Variants in GFAP observed in about 807,000 individuals in gnomAD.
The protein encoded by GFAP is intermediate filament protein.
Under a neutral mutation model 49.3 loss-of-function variants are expected in GFAP, and 38 were observed. The ratio of observed to expected loss-of-function variants is 0.77; its 90% confidence interval spans 0.60 to 1.01. GFAP has a LOEUF of 1.01. Ranked by LOEUF, GFAP falls within the 50% of genes least tolerant of loss-of-function variation. The pLI, the probability that GFAP is intolerant of heterozygous loss-of-function variation, is 0.00. For synonymous variants in GFAP, 222 were observed against 236.4 expected, an observed-to-expected ratio of 0.94 and a Z score of 0.56; for missense variants, 463 against 579.1, an observed-to-expected ratio of 0.80 and a Z score of 2.06.
At position 44,906,370 on chromosome 17, in the gene GFAP, C is replaced by T. The variant is rs983381910; in HGVS notation, c.*977G>A. 3.9e-5 allele frequency: 6 copies of T among 152,562 alleles called. No homozygotes were observed. The highest frequency in any genetic ancestry group is 1.4e-4 in the African/African-American group (6 of 41,428). The allele number at this position is 152,562 out of a possible 1,614,324, so 9.5% of individuals were successfully genotyped here. On this transcript the variant is annotated 3_prime_UTR_variant, in exon 9 of 9. Coordinates refer to ENST00000588735, the MANE Select transcript of GFAP (RefSeq NM_002055.5). ...GCGCCATCCCAATTGCCTCCTCCTCCATCTCTACCAGCGTCCCCTCCAGTC... is the reference window on the plus strand; with the variant it reads ...GCGCCATCCCAATTGCCTCCTCCTCTATCTCTACCAGCGTCCCCTCCAGTC...
intron 7 of GFAP, chr17:44,909,453 A>G (rs1256610174): frequency 2.0e-5 from 3 of 152,098 alleles, no homozygotes; most frequent in Admixed American, 2.0e-4. Flanking sequence ...ATTTGGCAGT[A>G]TTACCTCTAC....
rs2051622787 is a variant in GFAP at position 44,904,623 on chromosome 17, G to A, written c.*2724C>T. ...ATTAACTATGTGTCCAAAGTGGGCAGCCGGCCCTGGGTGCCCCAGGTGCCC... is the reference window on the plus strand; with the variant it reads ...ATTAACTATGTGTCCAAAGTGGGCAACCGGCCCTGGGTGCCCCAGGTGCCC... On this transcript the variant is annotated 3_prime_UTR_variant, in exon 9 of 9. Transcript: ENST00000588735. 6.4e-7 allele frequency: 1 copy of A among 1,550,566 alleles called. No homozygotes were observed. Among genetic ancestry groups the A allele is most frequent in the African/African-American group, 1.4e-5 (1 of 73,164 alleles).
At chr17:44,914,403 T>G (rs1311650878) in intron 1 of GFAP, 1 of 388,090 alleles carries the variant, frequency 2.6e-6, no homozygotes. Context: ...CCTCCTGCAC[T>G]TGAAGGCACA....
At position 44,913,356 on chromosome 17, in the gene GFAP, G is replaced by C; in HGVS notation, c.693C>G (p.Leu231=). 1 of 1,614,174 alleles carries C rather than the reference G, an allele frequency of 6.2e-7. No individual in the cohort carries two copies. Among genetic ancestry groups the C allele is most frequent in the Non-Finnish European group, 8.5e-7 (1 of 1,180,002 alleles). The change falls in exon 4 of 9, where the codon CTC becomes CTG. Residue 231 remains leucine, a synonymous_variant. Transcript: ENST00000588735. ...HVELDVAKPD[L]TAALKEIRTQ... ...TGCGGATCTCTTTCAGGGCTGCGGT[G>C]AGGTCTGGCTTGGCCACGTCAAGCT... is the stretch of plus-strand genomic sequence containing the variant.
chr17:44,915,111 G>T lies in GFAP; in HGVS notation c.376C>A (p.Arg126=), dbSNP rs201959936. 6.2e-7 allele frequency: 1 copy of T among 1,613,792 alleles called. No homozygotes were observed. The highest frequency in any genetic ancestry group is 8.5e-7 in the Non-Finnish European group (1 of 1,180,016). ...YQAELRELRL[R]LDQLTANSAR... ...CTGTTGGCGGTGAGTTGATCGAGCC[G>T]CAGCCGCAGCTCTCGCAGCTCAGCC... Residue 126 remains arginine, a synonymous_variant, in exon 1 of 9, where the codon CGG becomes AGG. Transcript: ENST00000588735. This position sits in a 1 kb window ranked among gnomAD's most constrained non-coding sequence, Gnocchi z 4.1.
intron 3 of GFAP, 126 bp from the exon 4 acceptor site, chr17:44,913,556 C>T (rs754576119): frequency 3.2e-5 from 36 of 1,134,440 alleles, no homozygotes; most frequent in Admixed American, 1.4e-4. Flanking sequence ...TGTCTCTTTC[C>T]GTCTCCCTTA....
chr17:44,913,924 G>A lies in GFAP; in HGVS notation c.523-101C>T, dbSNP rs1045884031. ...CTTACCCCTCCTTCTGGGGCAGTGG[G>A]GAGCAGCACATTGCTCTGGCGGGCT... On this transcript the variant is annotated intron_variant, in intron 2 of 8. Transcript: ENST00000588735. The A allele has an allele frequency of 5.3e-6, 7 of 1,321,798 alleles. No individual in the cohort carries two copies. The African/African-American group carries it at 7.2e-5, about 14-fold the overall frequency. The allele number at this position is 1,321,798 out of a possible 1,614,324, so 81.9% of individuals were successfully genotyped here.
Position 44,913,332 on chromosome 17 carries a change from G to C in GFAP, c.717C>G (p.Arg239=), listed in dbSNP as rs760050868. 6.2e-7 allele frequency: 1 copy of C among 1,614,056 alleles called. No homozygotes were observed. The highest frequency in any genetic ancestry group is 1.3e-5 in the African/African-American group (1 of 74,930). ...PDLTAALKEI[R]TQYEAMASSN... The stretch of plus-strand genomic sequence containing the variant: ...TGGACGCCATTGCCTCATACTGCGT[G>C]CGGATCTCTTTCAGGGCTGCGGTGA... Residue 239 remains arginine, a synonymous_variant, in exon 4 of 9, where the codon CGC becomes CGG. Coordinates refer to ENST00000588735, the MANE Select transcript of GFAP (RefSeq NM_002055.5).
chr17:44,912,748 ATGTT>A, intron 4 of GFAP: 1 of 209,620 alleles, frequency 4.8e-6, no homozygotes. Context: ...TACGGGCACT[ATGTT>A]TGGGTGCACG....
intron 1 of GFAP, chr17:44,914,307 G>A: frequency 1.7e-6 from 1 of 578,204 alleles, no homozygotes; most frequent in South Asian, 2.1e-5. Flanking sequence ...TGCCTTATCA[G>A]GGTTGGTGCA....
At chr17:44,908,534 A>G (rs1468022346) in intron 7 of GFAP, 2 of 168,502 alleles carry the variant, frequency 1.2e-5, no homozygotes, top group African/African-American at 2.4e-5. Flanking sequence ...GTTCGAGACC[A>G]GCCTGGCCAA....
At position 44,904,456 on chromosome 17, in the gene GFAP, C is replaced by T. The variant is rs190234618; in HGVS notation, c.*2891G>A. Reference sequence around the variant, plus strand: ...CCCCACGCTACCTCAAGGCCGTGCCCGATGTGGTGTCTTGTGGCTCAAGGG... The same window carrying T: ...CCCCACGCTACCTCAAGGCCGTGCCTGATGTGGTGTCTTGTGGCTCAAGGG... On this transcript the variant is annotated 3_prime_UTR_variant, in exon 9 of 9. Transcript: ENST00000588735. 923 of 1,543,780 alleles carry T rather than the reference C, an allele frequency of 6.0e-4. 1 individual carries two copies. The highest frequency in any genetic ancestry group is 7.6e-4 in the Non-Finnish European group (865 of 1,142,218).
rs780940137 is a variant in GFAP at position 44,915,202 on chromosome 17, C to G, written c.285G>C (p.Lys95Asn). The G allele has an allele frequency of 1.9e-6, 3 of 1,614,230 alleles. No individual in the cohort carries two copies. The highest frequency in any genetic ancestry group is 2.5e-6 in the Non-Finnish European group (3 of 1,180,042). ...EKVRFLEQQN[K>N]ALAAELNQLR... ...GCTGGTTCAGCTCAGCAGCCAGCGC[C>G]TTGTTTTGCTGTTCCAGGAAGCGAA... is the stretch of plus-strand genomic sequence containing the variant. Residue 95 changes from lysine (K) to asparagine (N), a missense_variant, in exon 1 of 9, where the codon AAG becomes AAC. Transcript: ENST00000588735. This position sits in a 1 kb window ranked among gnomAD's most constrained non-coding sequence, Gnocchi z 4.1.
At chr17:44,912,581 T>TG (rs1241563583) in intron 4 of GFAP, 1 of 156,060 alleles carries the variant, frequency 6.4e-6, no homozygotes, top group Non-Finnish European at 1.4e-5. Flanking sequence ...TGCCTCTCTG[T>TG]GCTTTTCTGC....
In GFAP at chr17:44,903,438, T is replaced by C. The variant is rs2051595800; in HGVS notation, c.*3909A>G. 1.6e-6 allele frequency: 2 copies of C among 1,251,584 alleles called. No individual in the cohort carries two copies. Among genetic ancestry groups the C allele is most frequent in the African/African-American group, 1.5e-5 (1 of 64,588 alleles). The allele number at this position is 1,251,584 out of a possible 1,614,324, so 77.5% of individuals were successfully genotyped here. A position where few individuals can be genotyped will look rare whatever the true frequency, so the allele number is the denominator to read the frequency against. On this transcript the variant is annotated 3_prime_UTR_variant, in exon 9 of 9. Coordinates refer to ENST00000588735, the MANE Select transcript of GFAP (RefSeq NM_002055.5). ...CATCCCCCAGGTTGATGAAAGACTT[T>C]TCCACCAGGCTGGCAGGGCAGGGCC...
chr17:44,904,627 G>T lies in GFAP; in HGVS notation c.*2720C>A. Reference sequence around the variant, plus strand: ...ACTATGTGTCCAAAGTGGGCAGCCGGCCCTGGGTGCCCCAGGTGCCCATTC... The same window carrying T: ...ACTATGTGTCCAAAGTGGGCAGCCGTCCCTGGGTGCCCCAGGTGCCCATTC... On this transcript the variant is annotated 3_prime_UTR_variant, in exon 9 of 9. Coordinates refer to ENST00000588735, the MANE Select transcript of GFAP (RefSeq NM_002055.5). The T allele has an allele frequency of 6.4e-7, 1 of 1,550,540 alleles. No individual in the cohort carries two copies. The highest frequency in any genetic ancestry group is 8.7e-7 in the Non-Finnish European group (1 of 1,146,990).
intron 8 of GFAP, 104 bp from the exon 9 acceptor site, chr17:44,907,492 C>T (rs2051671649): frequency 1.2e-6 from 1 of 805,748 alleles, no homozygotes; most frequent in Admixed American, 1.9e-5. Context: ...CCCGACTTCC[C>T]AGGTCTTACT....
At position 44,915,399 on chromosome 17, in the gene GFAP, G is replaced by A. The variant is rs770249831; in HGVS notation, c.88C>T (p.Arg30Cys). 18 of 1,606,906 alleles carry A rather than the reference G, an allele frequency of 1.1e-5. No individual in the cohort carries two copies. Among genetic ancestry groups the A allele is most frequent in the Admixed American group, 1.7e-5 (1 of 59,736 alleles). The change falls in exon 1 of 9, where the codon CGT (arginine) becomes TGT (cysteine). Residue 30 changes from arginine to cysteine, a missense_variant. Arg to Cys is a radical substitution (Grantham distance 180). Transcript: ENST00000588735. This position sits in a 1 kb window ranked among gnomAD's most constrained non-coding sequence, Gnocchi z 4.1. The part of the protein sequence containing the change: ...MMVGGLAPGR[R>C]LGPGTRLSLA... ...GAGAGGCGGGTGCCAGGACCCAGAC[G>A]GCGGCCAGGAGCCAGGCCCCCCACC... is the stretch of plus-strand genomic sequence containing the variant.
In GFAP at chr17:44,903,759, T is replaced by C. The variant is rs550717053; in HGVS notation, c.*3588A>G. The C allele has an allele frequency of 3.9e-5, 57 of 1,473,258 alleles. No homozygotes were observed. The African/African-American group carries it at 6.1e-4, about 16-fold the overall frequency. 91.3% of individuals were successfully genotyped at this position (1,473,258 alleles called of 1,614,324 possible). A position where few individuals can be genotyped will look rare whatever the true frequency, so the allele number is the denominator to read the frequency against. ...TCTAGAGGCTTCCGCTTAGCAGAGC[T>C]TTCTAGGAGCCCTATGAGCCTTTAA... is the stretch of plus-strand genomic sequence containing the variant. On this transcript the variant is annotated 3_prime_UTR_variant, in exon 9 of 9. Coordinates refer to ENST00000588735, the MANE Select transcript of GFAP (RefSeq NM_002055.5).
Sources: gnomAD v4.1 joint callset for allele counts on GRCh38, gnomAD v4.1.1 for gene constraint, Gnocchi (gnomAD v3.1) non-coding constraint, MANE v1.5 for transcripts, NCBI Gene and HGNC (gene_info 2026-07-23, HGNC 2026-07-21) for gene names.